PTPRT: variants seen among roughly 807,000 people sequenced by gnomAD.
PTPRT encodes receptor-type tyrosine-protein phosphatase T.
A neutral mutation model predicts 176.8 loss-of-function variants in PTPRT; 56 were observed. The ratio of observed to expected loss-of-function variants is 0.32; its 90% CI spans 0.26 to 0.40. The LOEUF (loss-of-function observed/expected upper bound fraction) is 0.40, where lower values mean the gene tolerates loss of function less well. PTPRT is among the 10% of genes least tolerant of loss of function. The pLI is 1.00. For synonymous variants in PTPRT, 783 were observed against 739.0 expected (o/e 1.06, Z -0.96); for missense variants, 1,540 against 1,908.2 (o/e 0.81, Z 3.60).
intron 9 of PTPRT, among the ~76,000 whole-genome samples, chr20:42,377,671 C>T (rs147456186): frequency 1.1e-4 from 16 of 152,310 alleles, no homozygotes; most frequent in South Asian, 2.1e-4. Context: ...ACCTAACAAA[C>T]GACCTCAACC....
At chr20:42,996,002 T>A (rs1178763129) in intron 1 of PTPRT, among the ~76,000 whole-genome samples, 2 of 152,124 alleles carry the variant, frequency 1.3e-5, no homozygotes, top group Non-Finnish European at 2.9e-5. Flanking sequence ...TTTTATTATT[T>A]TTTTTGTTTG....
intron 2 of PTPRT, among the ~76,000 whole-genome samples, chr20:42,800,540 A>T (rs2077515783): frequency 6.6e-6 from 1 of 152,216 alleles, no homozygotes. Flanking sequence ...AATGGAAATG[A>T]CATGGAACTA....
intron 1 of PTPRT, among the ~76,000 whole-genome samples, chr20:43,105,065 C>T (rs1368469796): frequency 6.6e-6 from 1 of 152,048 alleles, no homozygotes; most frequent in Non-Finnish European, 1.5e-5. Flanking sequence ...TTAGCCCAGG[C>T]CTCTGAGGTC....
intron 8 of PTPRT, among the ~76,000 whole-genome samples, chr20:42,457,569 C>T (rs1165856040): frequency 6.6e-6 from 1 of 152,120 alleles, no homozygotes; most frequent in Non-Finnish European, 1.5e-5. Flanking sequence ...ATGGGTCATT[C>T]TGCTAGTTAC....
At chr20:42,373,179 T>C (rs972490338) in intron 9 of PTPRT, among the ~76,000 whole-genome samples, 2 of 152,178 alleles carry the variant, frequency 1.3e-5, no homozygotes, top group Admixed American at 6.5e-5. Context: ...AGTACCACCC[T>C]TCCAACTTTA....
Position 42,276,538 on chromosome 20 carries a change from TA to T in PTPRT, c.2176+5950del, listed in dbSNP as rs1568731770. ...ATATATATATATATATATATATATA[TA>T]TATATATATATATATATATAATGTT... On this transcript the variant is annotated intron_variant, in intron 13 of 30. Transcript: ENST00000373187. 8.8e-4 allele frequency among the ~76,000 whole-genome samples: 42 copies of T among 47,788 alleles called. 1 individual carries two copies. Among genetic ancestry groups the T allele is most frequent in the Admixed American group, 4.5e-3 (22 of 4,930 alleles). The allele number at this position is 47,788 out of a possible 152,430, so 31.4% of individuals were successfully genotyped here.
chr20:42,862,218 C>T (rs1015233933), intron 2 of PTPRT, among the ~76,000 whole-genome samples: 2 of 152,144 alleles, frequency 1.3e-5, no homozygotes, highest in African/African-American at 4.8e-5. Flanking sequence ...TATTGAACCA[C>T]TCAAGGCTAC....
intron 7 of PTPRT, among the ~76,000 whole-genome samples, chr20:42,650,380 A>C (rs1337671253): frequency 6.6e-6 from 1 of 152,140 alleles, no homozygotes; most frequent in Non-Finnish European, 1.5e-5. Context: ...GCAATCTCAC[A>C]CACATACATA....
At chr20:42,045,652 G>A in the PTPRT span, among the ~76,000 whole-genome samples, 1 of 114,740 alleles carries the variant, frequency 8.7e-6, no homozygotes, top group Non-Finnish European at 2.2e-5. Context: ...CAAGTGGAAA[G>A]TCCTTTTTTT....
chr20:42,891,133 A>T (rs2079185068), intron 1 of PTPRT, among the ~76,000 whole-genome samples: 1 of 152,246 alleles, frequency 6.6e-6, no homozygotes. Context: ...GGACTAATAC[A>T]GTCCCCAAAG....
At chr20:42,296,820 G>A (rs1368339298) in intron 12 of PTPRT, among the ~76,000 whole-genome samples, 2 of 152,140 alleles carry the variant, frequency 1.3e-5, no homozygotes, top group Non-Finnish European at 1.5e-5. Context: ...ATAACAGAGT[G>A]TAACTGGATT....
intron 1 of PTPRT, among the ~76,000 whole-genome samples, chr20:43,129,613 CTTTTT>C (rs869293740): frequency 1.1e-5 from 1 of 87,294 alleles, no homozygotes; most frequent in African/African-American, 4.6e-5. Flanking sequence ...CCAAAGAGTT[CTTTTT>C]TTTTTTTTTT....
chr20:42,197,053 G>A (rs1991248294), intron 16 of PTPRT, among the ~76,000 whole-genome samples: 1 of 152,068 alleles, frequency 6.6e-6, no homozygotes, highest in Non-Finnish European at 1.5e-5. Flanking sequence ...CTGGATTGTG[G>A]AACACTCTGC....
chr20:42,349,603 A>C (rs1218623221), intron 11 of PTPRT, among the ~76,000 whole-genome samples: 1 of 152,242 alleles, frequency 6.6e-6, no homozygotes, highest in East Asian at 1.9e-4. Flanking sequence ...TCTTAAAAAA[A>C]AATGTTTGTT....
At chr20:42,034,119 A>G in the PTPRT span, among the ~76,000 whole-genome samples, 1 of 152,194 alleles carries the variant, frequency 6.6e-6, no homozygotes, top group Non-Finnish European at 1.5e-5. Flanking sequence ...AGCACAACTT[A>G]GCTGGGTCTT....
At chr20:42,371,238 A>G (rs1288227976) in intron 9 of PTPRT, among the ~76,000 whole-genome samples, 1 of 152,186 alleles carries the variant, frequency 6.6e-6, no homozygotes, top group Non-Finnish European at 1.5e-5. Context: ...CTGGTCGGTG[A>G]AGGAATAAGG....
At chr20:42,518,584 A>G (rs1287605118) in intron 7 of PTPRT, among the ~76,000 whole-genome samples, 1 of 152,014 alleles carries the variant, frequency 6.6e-6, no homozygotes, top group Non-Finnish European at 1.5e-5. Flanking sequence ...CCTATTTTAA[A>G]TTGTGCCATA....
chr20:43,050,690 G>A (rs1987008338), intron 1 of PTPRT, among the ~76,000 whole-genome samples: 1 of 152,208 alleles, frequency 6.6e-6, no homozygotes, highest in African/African-American at 2.4e-5. Context: ...TGAAACATGG[G>A]AATCATGTGA....
chr20:42,096,730 C>A (rs555431680), intron 27 of PTPRT, among the ~76,000 whole-genome samples: 1 of 151,394 alleles, frequency 6.6e-6, no homozygotes, highest in Non-Finnish European at 1.5e-5. Flanking sequence ...ACTATAGACA[C>A]ATGGCACCAT....
Sources: gnomAD v4.1 joint callset for allele counts (sites outside exome capture counted in the v4.1 genomes callset) on GRCh38, gnomAD v4.1.1 for gene constraint, MANE v1.5 for transcripts, NCBI Gene and HGNC (gene_info 2026-07-23, HGNC 2026-07-21) for gene names.